The following PARP15 variants were observed in gnomAD, a reference collection of about 807,000 sequenced individuals.
PARP15 encodes the protein poly(ADP-ribose) polymerase family member 15, also known as protein mono-ADP-ribosyltransferase PARP15.
PARP15 carries 50 observed loss-of-function variants against 62.1 expected under a neutral mutation model. That is an observed-to-expected ratio of 0.81 (90% CI 0.64 to 1.02). The LOEUF is 1.02. Ranked by LOEUF, PARP15 falls within the 50% of genes least tolerant of loss-of-function variation. The pLI, the probability that PARP15 is intolerant of heterozygous loss-of-function variation, is 0.00. For synonymous variants in PARP15, 309 were observed against 293.1 expected (o/e 1.05, Z -0.55); for missense variants, 820 against 826.5 (o/e 0.99, Z 0.10).
chr3:122,631,041 G>A (rs1338194809), intron 9 of PARP15, among the ~76,000 whole-genome samples: 2 of 152,158 alleles, frequency 1.3e-5, no homozygotes, highest in African/African-American at 2.4e-5. Context: ...AGGAATAGAA[G>A]GCCCCCAAAA....
At chr3:122,622,272 G>A (rs557300557) in intron 8 of PARP15, among the ~76,000 whole-genome samples, 28 of 152,158 alleles carry the variant, frequency 1.8e-4, no homozygotes, top group Admixed American at 5.2e-4. Context: ...ATCTCCTCTG[G>A]GGGAGTTTTC....
intron 2 of PARP15, among the ~76,000 whole-genome samples, chr3:122,608,372 T>C (rs1935322692): frequency 6.6e-6 from 1 of 151,918 alleles, no homozygotes; most frequent in African/African-American, 2.4e-5. Context: ...CCCACCACCA[T>C]GCCCAGCTAA....
At position 122,593,550 on chromosome 3, in the gene PARP15, T is replaced by C. The variant is rs143600873; in HGVS notation, c.187-12386T>C. Among the ~76,000 whole-genome samples, 451 of 152,364 alleles carry C rather than the reference T, an allele frequency of 3.0e-3. 4 individuals are homozygous for C. Among genetic ancestry groups the C allele is most frequent in the African/African-American group, 0.01 (427 of 41,584 alleles). Reference sequence around the variant, plus strand: ...GTATGGAAAAATGCAAAAATAATCCTATTAATAACTTAATATTTCAGTAAC... The same window carrying C: ...GTATGGAAAAATGCAAAAATAATCCCATTAATAACTTAATATTTCAGTAAC... On this transcript the variant is annotated intron_variant, in intron 1 of 11. Transcript: ENST00000464300.
chr3:122,631,950 A>G, intron 9 of PARP15, 136 bp from the exon 10 acceptor site: 1 of 887,862 alleles, frequency 1.1e-6, no homozygotes, highest in South Asian at 1.5e-5. Flanking sequence ...ATAATAGAAG[A>G]AGCAATTGTG....
At chr3:122,596,824 A>G (rs865906835) in intron 1 of PARP15, among the ~76,000 whole-genome samples, 1 of 152,198 alleles carries the variant, frequency 6.6e-6, no homozygotes, top group Non-Finnish European at 1.5e-5. Flanking sequence ...GTATCCCTGA[A>G]ACTATAAGTG....
At chr3:122,635,710 G>A in intron 11 of PARP15, 101 bp from the exon 12 acceptor site, 1 of 1,357,054 alleles carries the variant, frequency 7.4e-7, no homozygotes, top group Non-Finnish European at 1.0e-6. Flanking sequence ...AACACACCTG[G>A]CTAAAACTGC....
intron 2 of PARP15, among the ~76,000 whole-genome samples, chr3:122,606,842 G>T (rs1283184932): frequency 6.6e-6 from 1 of 152,204 alleles, no homozygotes; most frequent in Non-Finnish European, 1.5e-5. Context: ...TTGGACACCT[G>T]ATGTTTACCT....
At chr3:122,578,037 T>G (rs1439731469) in intron 1 of PARP15, among the ~76,000 whole-genome samples, 184 bp downstream of exon 1, 1 of 145,506 alleles carries the variant, frequency 6.9e-6, no homozygotes, top group Non-Finnish European at 1.5e-5. Context: ...TCTTTTTCCT[T>G]AGCATTTCTG....
chr3:122,627,645 A>G (rs1201512919), intron 9 of PARP15, among the ~76,000 whole-genome samples: 7 of 152,218 alleles, frequency 4.6e-5, no homozygotes, highest in African/African-American at 1.4e-4. Flanking sequence ...CTCCTCTTGC[A>G]ATCACTATTT....
chr3:122,624,577 C>T (rs1242102894), intron 8 of PARP15, among the ~76,000 whole-genome samples: 1 of 152,076 alleles, frequency 6.6e-6, no homozygotes, highest in African/African-American at 2.4e-5. Context: ...TGAGAGGAGC[C>T]CTAATAATGT....
At chr3:122,634,061 C>A (rs1937211474) in intron 10 of PARP15, among the ~76,000 whole-genome samples, 1 of 152,188 alleles carries the variant, frequency 6.6e-6, no homozygotes, top group South Asian at 2.1e-4. Context: ...CTACTTTCAG[C>A]AGAACAACTT....
chr3:122,619,677 A>T, intron 6 of PARP15, 104 bp from the exon 7 acceptor site: 1 of 995,524 alleles, frequency 1.0e-6, no homozygotes, highest in Non-Finnish European at 1.6e-6. Context: ...TGGTCAATGG[A>T]TTATGCACAA....
At chr3:122,581,265 A>C (rs561817523) in intron 1 of PARP15, among the ~76,000 whole-genome samples, 6 of 152,196 alleles carry the variant, frequency 3.9e-5, no homozygotes, top group African/African-American at 1.4e-4. Flanking sequence ...TCCTATTTTT[A>C]ATTTTTTTGG....
intron 1 of PARP15, among the ~76,000 whole-genome samples, chr3:122,590,777 A>G (rs573190670): frequency 6.6e-6 from 1 of 152,314 alleles, no homozygotes; most frequent in African/African-American, 2.4e-5. Flanking sequence ...CAGAGTCTCT[A>G]TTGTCCCCTT....
At position 122,636,034 on chromosome 3, in the gene PARP15, A is replaced by C. The variant is rs767296370; in HGVS notation, c.1971A>C (p.Pro657=). ...FDSVTNNTRS[P]KLFVVFFDNQ... The stretch of plus-strand genomic sequence containing the variant: ...CAGTGACAAACAATACACGATCTCC[A>C]AAGCTATTTGTGGTATTCTTTGATA... Residue 657 remains proline, a synonymous_variant, in exon 12 of 12, where the codon CCA becomes CCC. Transcript: ENST00000464300. 1.2e-6 allele frequency: 2 copies of C among 1,614,136 alleles called. No homozygotes were observed. Among genetic ancestry groups the C allele is most frequent in the Non-Finnish European group, 1.7e-6 (2 of 1,179,970 alleles).
intron 1 of PARP15, among the ~76,000 whole-genome samples, chr3:122,580,114 A>T (rs901910087): frequency 6.6e-6 from 1 of 150,548 alleles, no homozygotes; most frequent in Non-Finnish European, 1.5e-5. Flanking sequence ...TTCCAAGCAC[A>T]CTTGAAAACA....
rs1368155637 is a variant in PARP15 at position 122,636,601 on chromosome 3, T to C, written c.*501T>C. On this transcript the variant is annotated 3_prime_UTR_variant, in exon 12 of 12. Transcript: ENST00000464300. ...GAATCACAGAATATTAACTCTGTTATGGAACAAATCATAACAGATTTTACC... is the reference window on the plus strand; with the variant it reads ...GAATCACAGAATATTAACTCTGTTACGGAACAAATCATAACAGATTTTACC... The C allele has an allele frequency of 1.9e-5, 3 of 156,682 alleles. No individual in the cohort carries two copies. Among genetic ancestry groups the C allele is most frequent in the African/African-American group, 7.2e-5 (3 of 41,496 alleles). The allele number at this position is 156,682 out of a possible 1,614,324, so 9.7% of individuals were successfully genotyped here.
intron 10 of PARP15, among the ~76,000 whole-genome samples, chr3:122,633,719 T>G (rs1226118190): frequency 2.0e-5 from 3 of 152,200 alleles, no homozygotes; most frequent in Non-Finnish European, 4.4e-5. Flanking sequence ...GACTTGAGCA[T>G]CCTCAGATTT....
rs1350050519 is a variant in PARP15 at position 122,586,002 on chromosome 3, C to T, written c.186+8149C>T. Among the ~76,000 whole-genome samples the T allele has an allele frequency of 3.3e-5, 5 of 152,264 alleles. No individual in the cohort carries two copies. The East Asian group carries it at 9.6e-4, about 29-fold the overall frequency. On this transcript the variant is annotated intron_variant, in intron 1 of 11. Transcript: ENST00000464300. ...TAGTTGACACATTTTCACCTTAGTA[C>T]AGTTAGTTAAATAAATATAGAACTT...
Sources: gnomAD v4.1 joint callset for allele counts (sites outside exome capture counted in the v4.1 genomes callset) on GRCh38, gnomAD v4.1.1 for gene constraint, MANE v1.5 for transcripts, NCBI Gene and HGNC (gene_info 2026-07-23, HGNC 2026-07-21) for gene names.